The following ANKFN1 variants were observed in gnomAD, a reference collection of about 807,000 sequenced individuals.
ANKFN1 encodes the protein ankyrin repeat and fibronectin type III domain containing 1, also known as ankyrin repeat and fibronectin type-III domain-containing protein 1.
ANKFN1 carries 74 observed loss-of-function variants against 108.7 expected under a neutral mutation model. The ratio of observed to expected loss-of-function variants is 0.68; its 90% confidence interval spans 0.56 to 0.83. The LOEUF is 0.83. Among genes scored for constraint, ANKFN1 ranks in the 40% least tolerant of loss-of-function variants. The probability of loss-of-function intolerance (pLI) is 0.00; values close to 1 mark genes in which losing one functional copy is unlikely to be tolerated. For synonymous variants in ANKFN1, 547 were observed against 516.2 expected (o/e 1.06, Z -0.81); for missense variants, 1,505 against 1,382.3 (o/e 1.09, Z -1.41).
At position 56,480,661 on chromosome 17, in the gene ANKFN1, C is replaced by T; in HGVS notation, c.1941-7C>T. The T allele has an allele frequency of 6.2e-7, 1 of 1,613,304 alleles. No homozygotes were observed. Among genetic ancestry groups the T allele is most frequent in the Non-Finnish European group, 8.5e-7 (1 of 1,179,562 alleles). On this transcript the variant is annotated splice_polypyrimidine_tract_variant and splice_region_variant and intron_variant, in intron 16 of 20. Coordinates refer to ENST00000682825, the MANE Select transcript of ANKFN1 (RefSeq NM_001370326.1). Reference sequence around the variant, plus strand: ...TATTTCTAATTTTAACTTGACTCAACATACAGAGAGGAATGGGAATGGATC... The same window carrying T: ...TATTTCTAATTTTAACTTGACTCAATATACAGAGAGGAATGGGAATGGATC...
intron 3 of ANKFN1, among the ~76,000 whole-genome samples, chr17:56,282,141 T>C (rs1220822635): frequency 2.0e-5 from 3 of 152,160 alleles, no homozygotes; most frequent in African/African-American, 4.8e-5. Context: ...TACTCAGTAA[T>C]ATAAAGCAAT....
rs143258669 is a variant in ANKFN1, at chr17:56,307,236, T to C, written c.54-18985T>C. On this transcript the variant is annotated intron_variant, in intron 3 of 20. Transcript: ENST00000682825. ...GCCAAAATTGACAAATGGGATCTAA[T>C]TAAACTGAGGAACTTCTGCACAGCA... Among the ~76,000 whole-genome samples the C allele has an allele frequency of 6.5e-3, 997 of 152,254 alleles. 7 individuals carry two copies. The highest frequency in any genetic ancestry group is 0.011 in the South Asian group (51 of 4,824).
intron 8 of ANKFN1, among the ~76,000 whole-genome samples, chr17:56,435,028 T>A (rs1382077781): frequency 6.6e-6 from 1 of 152,180 alleles, no homozygotes; most frequent in East Asian, 1.9e-4. Context: ...AGAGGCAGTA[T>A]GGACAAGTGA....
chr17:56,432,104 G>A (rs2048776932), intron 8 of ANKFN1, among the ~76,000 whole-genome samples: 1 of 152,226 alleles, frequency 6.6e-6, no homozygotes, highest in South Asian at 2.1e-4. Flanking sequence ...CAAGCCTGCT[G>A]ATTTCCAATT....
chr17:56,465,972 T>C (rs1467569841), intron 14 of ANKFN1, among the ~76,000 whole-genome samples: 1 of 152,212 alleles, frequency 6.6e-6, no homozygotes, highest in Non-Finnish European at 1.5e-5. Context: ...CACAGAAGCA[T>C]ACTTTAAATA....
intron 6 of ANKFN1, among the ~76,000 whole-genome samples, chr17:56,358,147 G>A (rs926566070): frequency 2.0e-5 from 3 of 152,122 alleles, no homozygotes; most frequent in Admixed American, 6.6e-5. Flanking sequence ...GCAGAGTGCA[G>A]ACTCCAGGGT....
intron 1 of ANKFN1, among the ~76,000 whole-genome samples, chr17:56,189,169 A>ATTTTT (rs1912593021): frequency 1.8e-5 from 1 of 54,658 alleles, no homozygotes; most frequent in Non-Finnish European, 3.2e-5. Flanking sequence ...TGTTGCCCTG[A>ATTTTT]CTTTTTTTTT....
intron 1 of ANKFN1, among the ~76,000 whole-genome samples, chr17:56,155,894 G>C (rs1193852672): frequency 6.6e-6 from 1 of 152,176 alleles, no homozygotes; most frequent in Non-Finnish European, 1.5e-5. Context: ...CTGCAAAGTG[G>C]TTGGTTAGAG....
At chr17:56,424,823 T>C (rs1567991395) in intron 8 of ANKFN1, among the ~76,000 whole-genome samples, 1 of 152,104 alleles carries the variant, frequency 6.6e-6, no homozygotes, top group African/African-American at 2.4e-5. Flanking sequence ...ACTATCTGAG[T>C]GTTGTTTTGA....
chr17:56,155,905 T>G (rs1301024821), intron 1 of ANKFN1, among the ~76,000 whole-genome samples: 1 of 151,968 alleles, frequency 6.6e-6, no homozygotes. Flanking sequence ...TTGGTTAGAG[T>G]GAAGGGCTTG....
chr17:56,293,361 C>T (rs2044417032), intron 3 of ANKFN1, among the ~76,000 whole-genome samples: 1 of 152,170 alleles, frequency 6.6e-6, no homozygotes, highest in African/African-American at 2.4e-5. Flanking sequence ...CACCACCAAG[C>T]ACAGAAGCAA....
chr17:56,223,460 C>G (rs1054273038), intron 2 of ANKFN1, among the ~76,000 whole-genome samples: 4 of 151,996 alleles, frequency 2.6e-5, no homozygotes, highest in African/African-American at 9.7e-5. Context: ...TAAATAAACA[C>G]GCTAAGTCAG....
chr17:56,227,775 C>T (rs1916392729), intron 2 of ANKFN1, 142 bp from the exon 3 acceptor site: 5 of 690,988 alleles, frequency 7.2e-6, no homozygotes, highest in Non-Finnish European at 1.2e-5. Context: ...AGAAAAGTCT[C>T]CCAATAAATA....
chr17:56,372,281 C>T (rs1046623655), intron 6 of ANKFN1, among the ~76,000 whole-genome samples: 7 of 152,194 alleles, frequency 4.6e-5, no homozygotes, highest in African/African-American at 1.4e-4. Flanking sequence ...TTTGCCCCTA[C>T]ATGTTTGTCC....
At chr17:56,395,964 A>C (rs1280884220) in intron 8 of ANKFN1, among the ~76,000 whole-genome samples, 1 of 152,230 alleles carries the variant, frequency 6.6e-6, no homozygotes, top group African/African-American at 2.4e-5. Flanking sequence ...CTGTAGAGTA[A>C]TAGTTCCAAA....
chr17:56,260,711 T>A (rs1327745599), intron 3 of ANKFN1, among the ~76,000 whole-genome samples: 2 of 152,114 alleles, frequency 1.3e-5, no homozygotes, highest in African/African-American at 4.8e-5. Flanking sequence ...AATTGATGAA[T>A]CCCTCCCAGG....
intron 4 of ANKFN1, among the ~76,000 whole-genome samples, chr17:56,110,085 G>A (rs1411700558): frequency 2.6e-5 from 4 of 152,192 alleles, no homozygotes; most frequent in Non-Finnish European, 4.4e-5. Flanking sequence ...TTGTTGGCCA[G>A]TTGAAGATTC....
At chr17:56,261,179 C>A (rs761329944) in intron 3 of ANKFN1, among the ~76,000 whole-genome samples, 23 of 152,184 alleles carry the variant, frequency 1.5e-4, no homozygotes, top group Middle Eastern at 3.2e-3. Flanking sequence ...TTCCTTTCCT[C>A]CCAGATACTA....
intron 4 of ANKFN1, among the ~76,000 whole-genome samples, chr17:56,068,710 G>A (rs75414631): frequency 0.029 from 4,447 of 152,206 alleles, 86 homozygotes; most frequent in East Asian, 0.1. Flanking sequence ...TTTTCATATT[G>A]TATTCATATC....
Sources: gnomAD v4.1 joint callset for allele counts (sites outside exome capture counted in the v4.1 genomes callset) on GRCh38, gnomAD v4.1.1 for gene constraint, MANE v1.5 for transcripts, NCBI Gene and HGNC (gene_info 2026-07-23, HGNC 2026-07-21) for gene names.